Variants in PRMT3 observed in about 807,000 individuals in gnomAD.
PRMT3 encodes protein arginine methyltransferase 3.
Under a neutral mutation model 71.9 loss-of-function variants are expected in PRMT3, and 62 were observed. That is an observed-to-expected ratio of 0.86 (90% CI 0.70 to 1.07). The LOEUF is 1.07. PRMT3 is among the 50% of genes least tolerant of loss of function. The pLI is 0.00. For synonymous variants in PRMT3, 213 were observed against 220.4 expected, an observed-to-expected ratio of 0.97 and a Z score of 0.30; for missense variants, 663 against 643.0, an observed-to-expected ratio of 1.03 and a Z score of -0.34.
chr11:20,449,657 T>C (rs781006289), intron 10 of PRMT3, among the ~76,000 whole-genome samples: 2 of 152,152 alleles, frequency 1.3e-5, no homozygotes, highest in Non-Finnish European at 2.9e-5. Context: ...CAATGAATTT[T>C]AACGATTATC....
intron 13 of PRMT3, among the ~76,000 whole-genome samples, chr11:20,491,692 T>C (rs939036174): frequency 3.3e-5 from 5 of 152,190 alleles, no homozygotes; most frequent in Non-Finnish European, 7.3e-5. Context: ...TTTTTTTCCA[T>C]GCATGTTTTA....
intron 7 of PRMT3, among the ~76,000 whole-genome samples, chr11:20,398,012 TAAAAAAAAAAAA>T (rs11424785): frequency 8.2e-6 from 1 of 121,718 alleles, no homozygotes; most frequent in African/African-American, 3.1e-5. Flanking sequence ...TGTCTCTATT[TAAAAAAAAAAAA>T]AAAAAAAAAG....
At chr11:20,504,751 A>AGC (rs1851550233) in intron 15 of PRMT3, among the ~76,000 whole-genome samples, 1 of 149,250 alleles carries the variant, frequency 6.7e-6, no homozygotes, top group African/African-American at 2.5e-5. Context: ...AGAGAGCGAG[A>AGC]GCGACTGAGA....
chr11:20,445,614 T>G (rs951688048), intron 10 of PRMT3, among the ~76,000 whole-genome samples: 1 of 152,134 alleles, frequency 6.6e-6, no homozygotes, highest in African/African-American at 2.4e-5. Flanking sequence ...AATGAACACC[T>G]GTGTGATCAT....
intron 13 of PRMT3, among the ~76,000 whole-genome samples, chr11:20,477,476 G>C (rs1216896496): frequency 6.6e-6 from 1 of 151,848 alleles, no homozygotes; most frequent in Non-Finnish European, 1.5e-5. Context: ...AGAATCACTT[G>C]AACCTGGAGG....
chr11:20,461,875 G>C, intron 11 of PRMT3, 105 bp from the exon 12 acceptor site: 1 of 1,000,822 alleles, frequency 1.0e-6, no homozygotes, highest in Non-Finnish European at 1.4e-6. Flanking sequence ...CCCATTGCTA[G>C]TAATCCTTAC....
At chr11:20,388,685 A>C (rs1182022712) in intron 2 of PRMT3, among the ~76,000 whole-genome samples, 3 of 152,234 alleles carry the variant, frequency 2.0e-5, no homozygotes, top group Non-Finnish European at 4.4e-5. Context: ...TCCATAGTCT[A>C]AGAAGGAAGT....
chr11:20,504,301 A>G (rs1426973595), intron 15 of PRMT3, among the ~76,000 whole-genome samples: 1 of 152,140 alleles, frequency 6.6e-6, no homozygotes, highest in Non-Finnish European at 1.5e-5. Context: ...AAATTAATTG[A>G]CCATATGCAT....
chr11:20,448,428 A>C (rs1214250932), intron 10 of PRMT3, among the ~76,000 whole-genome samples: 1 of 152,186 alleles, frequency 6.6e-6, no homozygotes, highest in African/African-American at 2.4e-5. Flanking sequence ...ATTCAGAGAT[A>C]TACTACATAG....
At chr11:20,498,997 A>G (rs1851397551) in intron 15 of PRMT3, among the ~76,000 whole-genome samples, 1 of 152,208 alleles carries the variant, frequency 6.6e-6, no homozygotes, top group South Asian at 2.1e-4. Context: ...GCAGTGGAAA[A>G]TGCCAGAAAT....
At chr11:20,405,003 G>T (rs1434919471) in intron 8 of PRMT3, among the ~76,000 whole-genome samples, 1 of 152,058 alleles carries the variant, frequency 6.6e-6, no homozygotes, top group East Asian at 1.9e-4. Flanking sequence ...TACTGAAAAG[G>T]CTCAAGTATT....
At chr11:20,414,308 G>A (rs891659215) in intron 9 of PRMT3, among the ~76,000 whole-genome samples, 1 of 152,116 alleles carries the variant, frequency 6.6e-6, no homozygotes, top group Admixed American at 6.6e-5. Context: ...TAAACTGACA[G>A]TATATCAGGT....
intron 8 of PRMT3, chr11:20,406,666 A>G (rs946849661): frequency 1.3e-5 from 2 of 152,232 alleles, no homozygotes; most frequent in Admixed American, 1.3e-4. Context: ...ATATACCCAG[A>G]AATGAAATTG....
chr11:20,479,146 C>T (rs1298875669), intron 13 of PRMT3, among the ~76,000 whole-genome samples: 3 of 152,124 alleles, frequency 2.0e-5, no homozygotes, highest in Non-Finnish European at 4.4e-5. Context: ...TTTTAGGCTC[C>T]TCCTTGTGAA....
At chr11:20,447,427 T>G (rs1850055250) in intron 10 of PRMT3, among the ~76,000 whole-genome samples, 1 of 152,082 alleles carries the variant, frequency 6.6e-6, no homozygotes, top group African/African-American at 2.4e-5. Context: ...CCCTACAAAT[T>G]TATCTGGCCC....
At chr11:20,436,708 C>T (rs1360713964) in intron 10 of PRMT3, among the ~76,000 whole-genome samples, 2 of 150,852 alleles carry the variant, frequency 1.3e-5, no homozygotes, top group Non-Finnish European at 3.0e-5. Context: ...ACTTTTACAT[C>T]TGTGTTCATC....
At chr11:20,452,016 G>A (rs1285055397) in intron 10 of PRMT3, 114 bp from the exon 11 acceptor site, 18 of 672,192 alleles carry the variant, frequency 2.7e-5, no homozygotes, top group Non-Finnish European at 4.1e-5. Context: ...TATTACATCT[G>A]TGGCAGAAAA....
intron 13 of PRMT3, among the ~76,000 whole-genome samples, chr11:20,470,228 T>C (rs1487212072): frequency 3.9e-5 from 6 of 152,148 alleles, no homozygotes; most frequent in African/African-American, 1.4e-4. Context: ...AGTAAAAATA[T>C]GGTATTACAA....
chr11:20,387,783 C>T lies in PRMT3; in HGVS notation c.28+9C>T, dbSNP rs768386983. The T allele has an allele frequency of 3.2e-6, 5 of 1,541,904 alleles. No homozygotes were observed. In the Admixed American group the frequency reaches 5.9e-5, roughly 18 times the overall value. ...AGCGTCAGGCGCTACCGGTGGGTACCCTGGCCCCTCAGCACCCGGCTCGTC... is the reference window on the plus strand; with the variant it reads ...AGCGTCAGGCGCTACCGGTGGGTACTCTGGCCCCTCAGCACCCGGCTCGTC... On this transcript the variant is annotated intron_variant, in intron 1 of 15. Transcript: ENST00000331079. The surrounding 1 kb of genome is among the most constrained non-coding windows in gnomAD (Gnocchi z 4.3).
Sources: gnomAD v4.1 joint callset for allele counts (sites outside exome capture counted in the v4.1 genomes callset) on GRCh38, gnomAD v4.1.1 for gene constraint, Gnocchi (gnomAD v3.1) non-coding constraint, MANE v1.5 for transcripts, NCBI Gene and HGNC (gene_info 2026-07-23, HGNC 2026-07-21) for gene names.